The following GPCPD1 variants were observed in gnomAD, a reference collection of about 807,000 sequenced individuals.
The protein encoded by GPCPD1 is glycerophosphocholine phosphodiesterase GPCPD1.
Under a neutral mutation model 89.2 loss-of-function variants are expected in GPCPD1, and 29 were observed. That is an observed-to-expected ratio of 0.33 (90% CI 0.24 to 0.44). The LOEUF is 0.44. Ranked by LOEUF, GPCPD1 falls within the 20% of genes least tolerant of loss-of-function variation. The pLI is 1.00. For missense variants in GPCPD1, 594 were observed against 808.9 expected (o/e 0.73, Z 3.22); for synonymous variants, 258 against 266.3 (o/e 0.97, Z 0.30).
Position 5,563,418 on chromosome 20 carries a change from A to C in GPCPD1, c.1329+1599T>G, listed in dbSNP as rs1364235424. 2.0e-5 allele frequency among the ~76,000 whole-genome samples: 3 copies of C among 152,248 alleles called. No individual in the cohort carries two copies. The East Asian group carries it at 5.8e-4, about 29-fold the overall frequency. On this transcript the variant is annotated intron_variant, in intron 15 of 19. Coordinates refer to ENST00000379019, the MANE Select transcript of GPCPD1 (RefSeq NM_019593.5). Reference sequence around the variant, plus strand: ...TCCTGGGAATCATGAGATTTCTAAAACACAAATGATTTTAGAAAATTGAAT... The same window carrying C: ...TCCTGGGAATCATGAGATTTCTAAACCACAAATGATTTTAGAAAATTGAAT...
intron 19 of GPCPD1, among the ~76,000 whole-genome samples, chr20:5,556,721 GA>G (rs774614464): frequency 1.3e-5 from 2 of 151,136 alleles, no homozygotes; most frequent in African/African-American, 2.4e-5. Flanking sequence ...GAAGCTGATG[GA>G]AAAAAAAATA....
intron 2 of GPCPD1, among the ~76,000 whole-genome samples, chr20:5,599,703 C>T (rs1979990877): frequency 6.6e-6 from 1 of 151,808 alleles, no homozygotes; most frequent in Non-Finnish European, 1.5e-5. Flanking sequence ...TACAAGTGCG[C>T]ACCATCACAA....
At chr20:5,580,229 C>CTT in intron 6 of GPCPD1, 98 bp from the exon 7 acceptor site, 44 of 493,204 alleles carry the variant, frequency 8.9e-5, no homozygotes, top group South Asian at 1.2e-4. Flanking sequence ...TTCACATTCA[C>CTT]TTTTTTTTTT....
intron 12 of GPCPD1, 59 bp downstream of exon 12, chr20:5,570,088 C>A: frequency 2.7e-6 from 2 of 739,034 alleles, no homozygotes; most frequent in Non-Finnish European, 4.6e-6. Context: ...AAAAAACTTC[C>A]TAGTTTTTAA....
Position 5,567,492 on chromosome 20 carries a change from C to A in GPCPD1, c.1218G>T (p.Gln406His). ...PVKELTFDQLQLLKLTHVTAL... is the reference protein window; with the variant it reads ...PVKELTFDQLHLLKLTHVTAL... ...ATGTTATTATTACTACCTTTAACAA[C>A]TGGAGTTGGTCAAATGTTAATTCTT... The change falls in exon 13 of 20, where the codon CAG (glutamine) becomes CAT (histidine). Residue 406 changes from glutamine to histidine, a missense_variant. Physicochemically the swap from Gln to His is conservative, Grantham distance 24. Transcript: ENST00000379019. 1 of 1,563,786 alleles carries A rather than the reference C, an allele frequency of 6.4e-7. No individual in the cohort carries two copies. The highest frequency in any genetic ancestry group is 2.3e-5 in the East Asian group (1 of 43,584).
At chr20:5,594,813 G>T (rs1438256421) in intron 3 of GPCPD1, among the ~76,000 whole-genome samples, 2 of 152,162 alleles carry the variant, frequency 1.3e-5, no homozygotes, top group Non-Finnish European at 2.9e-5. Context: ...TTTACAAATT[G>T]AAGGTCTGTG....
chr20:5,561,394 A>C, intron 16 of GPCPD1, 71 bp downstream of exon 16: 1 of 806,026 alleles, frequency 1.2e-6, no homozygotes. Context: ...TTAAAATACA[A>C]AGACAGGAAT....
chr20:5,565,535 T>C (rs945105790), intron 14 of GPCPD1, among the ~76,000 whole-genome samples: 11 of 152,228 alleles, frequency 7.2e-5, no homozygotes, highest in South Asian at 2.1e-4. Context: ...AGCCCCTATA[T>C]ATAGTATTTT....
chr20:5,547,966 A>G, intron 19 of GPCPD1, 116 bp from the exon 20 acceptor site: 2 of 538,144 alleles, frequency 3.7e-6, no homozygotes, highest in South Asian at 3.6e-5. Context: ...GAACATCCAC[A>G]TCAGAGTTTT....
intron 10 of GPCPD1, among the ~76,000 whole-genome samples, chr20:5,574,928 C>T (rs1978285905): frequency 6.6e-6 from 1 of 152,116 alleles, no homozygotes; most frequent in Non-Finnish European, 1.5e-5. Context: ...AATAAACTTA[C>T]AAAAGTAGAA....
chr20:5,577,511 GAAGA>G (rs964913011), intron 8 of GPCPD1, among the ~76,000 whole-genome samples: 8 of 149,474 alleles, frequency 5.4e-5, no homozygotes, highest in African/African-American at 1.7e-4. Flanking sequence ...AAAAGGAAAA[GAAGA>G]AAGGAAAGAA....
intron 11 of GPCPD1, among the ~76,000 whole-genome samples, 187 bp from the exon 12 acceptor site, chr20:5,570,426 C>CCAAAAAAAA (rs59192426): frequency 1.2e-5 from 1 of 86,052 alleles, no homozygotes. Context: ...TTTTTCCTGG[C>CCAAAAAAAA]AAAAAAAAAA....
intron 2 of GPCPD1, among the ~76,000 whole-genome samples, chr20:5,603,218 G>A (rs188289980): frequency 1.1e-3 from 165 of 152,144 alleles, no homozygotes; most frequent in African/African-American, 3.6e-3. Context: ...GCTTAAACCC[G>A]GGAGGCGGAG....
chr20:5,558,531 G>A (rs1255618922), intron 18 of GPCPD1, among the ~76,000 whole-genome samples, 153 bp downstream of exon 18: 4 of 152,130 alleles, frequency 2.6e-5, no homozygotes, highest in African/African-American at 9.7e-5. Flanking sequence ...TTCATCCTGA[G>A]ATCTAATATC....
intron 5 of GPCPD1, chr20:5,585,456 C>T (rs911123624): frequency 1.3e-5 from 2 of 151,948 alleles, no homozygotes; most frequent in African/African-American, 4.8e-5. Context: ...AGCACTGAGT[C>T]AATTTACAGA....
rs1985003175 is a variant in GPCPD1, at chr20:5,545,862, C to T, written c.*1799G>A. 6.6e-6 allele frequency: 1 copy of T among 152,324 alleles called. No individual in the cohort carries two copies. The highest frequency in any genetic ancestry group is 1.5e-5 in the Non-Finnish European group (1 of 68,164). The allele number at this position is 152,324 out of a possible 1,614,324, so 9.4% of individuals were successfully genotyped here. A position where few individuals can be genotyped will look rare whatever the true frequency, so the allele number is the denominator to read the frequency against. On this transcript the variant is annotated 3_prime_UTR_variant, in exon 20 of 20. Transcript: ENST00000379019. The stretch of plus-strand genomic sequence containing the variant: ...CTTCCTTCATCCTTTCTTCTGTCTC[C>T]TTTTTCTCTTTATGATCTGCTTCCC...
intron 4 of GPCPD1, among the ~76,000 whole-genome samples, chr20:5,590,382 A>G (rs1308236161): frequency 6.6e-6 from 1 of 151,596 alleles, no homozygotes; most frequent in Non-Finnish European, 1.5e-5. Flanking sequence ...CTCTACTAAA[A>G]CAATATAAAA....
At chr20:5,561,633 A>C in intron 15 of GPCPD1, 103 bp from the exon 16 acceptor site, 1 of 600,644 alleles carries the variant, frequency 1.7e-6, no homozygotes, top group Non-Finnish European at 2.9e-6. Context: ...AGAATTTATC[A>C]TTAGTAGCAA....
At chr20:5,582,785 A>C (rs376968450) in intron 6 of GPCPD1, among the ~76,000 whole-genome samples, 1 of 152,150 alleles carries the variant, frequency 6.6e-6, no homozygotes, top group East Asian at 1.9e-4. Context: ...GCTACTCAGC[A>C]GACTGAGGCA....
Sources: allele counts gnomAD v4.1 joint callset (sites outside exome capture counted in the v4.1 genomes callset), GRCh38; gene constraint gnomAD v4.1.1; transcripts MANE v1.5; gene names NCBI Gene and HGNC (gene_info 2026-07-23, HGNC 2026-07-21).